Variants in FANCB observed in about 807,000 individuals in gnomAD.
FANCB encodes the protein Fanconi anemia group B protein.
In FANCB, 5 loss-of-function variants were observed where a neutral mutation model predicts 38.9. The observed-to-expected ratio is 0.13, with a 90% CI of 0.07 to 0.27. FANCB has a LOEUF of 0.27. Among genes scored for constraint, FANCB ranks in the 10% least tolerant of loss-of-function variants. The pLI is 1.00. For synonymous variants in FANCB, 236 were observed against 215.4 expected, an observed-to-expected ratio of 1.10 and a Z score of -0.84; for missense variants, 573 against 602.7, an observed-to-expected ratio of 0.95 and a Z score of 0.52.
chrX:14,712,370 C>T, the FANCB span, among the ~76,000 whole-genome samples: 1 of 111,752 alleles, frequency 8.9e-6, no homozygotes, highest in South Asian at 3.7e-4. Context: ...GCAAAAATGA[C>T]CCTAGTTGAG....
At chrX:14,833,163 C>A (rs974438422), downstream of FANCB, among the ~76,000 whole-genome samples, 2 of 112,186 alleles carry the variant, frequency 1.8e-5, no homozygotes, top group Non-Finnish European at 3.8e-5. Context: ...ACCAAAGATG[C>A]TGGAACACAG....
chrX:14,735,987 G>A, the FANCB span, among the ~76,000 whole-genome samples: 4 of 111,463 alleles, frequency 3.6e-5, no homozygotes, highest in South Asian at 3.8e-4. Context: ...GCTGAGGTGC[G>A]GTGGGCTCTA....
At chrX:14,716,972 G>C in the FANCB span, among the ~76,000 whole-genome samples, 1 of 110,513 alleles carries the variant, frequency 9.0e-6, no homozygotes, top group Non-Finnish European at 1.9e-5. Flanking sequence ...ATAAACCTTT[G>C]TACATATCTC....
At chrX:14,816,960 T>G in the FANCB span, among the ~76,000 whole-genome samples, 1 of 112,134 alleles carries the variant, frequency 8.9e-6, no homozygotes, top group Non-Finnish European at 1.9e-5. Context: ...AAGAATTAAA[T>G]GAGACACTAC....
the FANCB span, among the ~76,000 whole-genome samples, chrX:14,715,468 AAT>A: frequency 8.9e-6 from 1 of 111,964 alleles, no homozygotes; most frequent in African/African-American, 3.2e-5. Flanking sequence ...GGGATATCAA[AAT>A]ATGTCAGAAC....
intron 5 of FANCB, among the ~76,000 whole-genome samples, chrX:14,855,858 G>C (rs1453633174): frequency 2.7e-5 from 3 of 112,161 alleles, no homozygotes; most frequent in South Asian, 3.6e-4. Flanking sequence ...CAGGGCAAAA[G>C]TAGCATCAGT....
At chrX:14,716,008 A>G in the FANCB span, among the ~76,000 whole-genome samples, 1 of 111,813 alleles carries the variant, frequency 8.9e-6, no homozygotes, top group African/African-American at 3.3e-5. Context: ...CAGAGCATTA[A>G]GCCAAGCACA....
chrX:14,767,385 A>C, the FANCB span, among the ~76,000 whole-genome samples: 1 of 111,757 alleles, frequency 8.9e-6, no homozygotes, highest in South Asian at 3.7e-4. Context: ...AGCCTTTCTG[A>C]CTGGTGGGAG....
the FANCB span, among the ~76,000 whole-genome samples, chrX:14,755,476 A>T: frequency 8.9e-6 from 1 of 112,057 alleles, no homozygotes; most frequent in South Asian, 3.7e-4. Context: ...CCAACATATG[A>T]AAGTCAGTAA....
At chrX:14,718,630 A>G in the FANCB span, among the ~76,000 whole-genome samples, 2 of 111,960 alleles carry the variant, frequency 1.8e-5, no homozygotes, top group African/African-American at 6.5e-5. Context: ...TCATCTGTAG[A>G]CTTGTTTGTC....
chrX:14,765,615 T>C, the FANCB span, among the ~76,000 whole-genome samples: 1 of 109,538 alleles, frequency 9.1e-6, no homozygotes, highest in Non-Finnish European at 1.9e-5. Context: ...GACTTCTTGT[T>C]AGGGAAGTCA....
the FANCB span, chrX:14,730,117 T>C: frequency 1.5e-5 from 10 of 689,200 alleles, no homozygotes; most frequent in Non-Finnish European, 2.3e-5. Flanking sequence ...TTAACTGTGA[T>C]TTATCCTTTT....
In FANCB at chrX:14,864,938, T is replaced by A; in HGVS notation, c.573A>T (p.Leu191Phe). 8.3e-7 allele frequency: 1 copy of A among 1,210,775 alleles called. No individual in the cohort carries two copies. The highest frequency in any genetic ancestry group is 1.1e-6 in the Non-Finnish European group (1 of 894,462). ...MVLLGLKECC[L>F]SEEECTQEPS... ...GCTCTTGAGTACATTCTTCCTCAGATAAACAACATTCCTTTAGTCCCAATA... is the reference window on the plus strand; with the variant it reads ...GCTCTTGAGTACATTCTTCCTCAGAAAAACAACATTCCTTTAGTCCCAATA... The change falls in exon 3 of 10, where the codon TTA becomes TTT. Residue 191 changes from leucine (L) to phenylalanine (F), a missense_variant. Physicochemically the swap from Leu to Phe is conservative, Grantham distance 22 (BLOSUM62 0). Transcript: ENST00000650831.
At chrX:14,792,132 C>T in the FANCB span, among the ~76,000 whole-genome samples, 4 of 111,709 alleles carry the variant, frequency 3.6e-5, no homozygotes, top group South Asian at 3.8e-4. Flanking sequence ...CCAAGAACAT[C>T]GGGAGCATTA....
chrX:14,763,807 A>C, the FANCB span, among the ~76,000 whole-genome samples: 1 of 111,566 alleles, frequency 9.0e-6, no homozygotes, highest in Non-Finnish European at 1.9e-5. Context: ...TGTGTGTTCA[A>C]AGTTCCCCGT....
chrX:14,810,945 C>G, the FANCB span, among the ~76,000 whole-genome samples: 1 of 111,954 alleles, frequency 8.9e-6, no homozygotes, highest in Non-Finnish European at 1.9e-5. Context: ...AAAGGGAAGC[C>G]CATCAGACTA....
chrX:14,831,128 CAA>C (rs1380814170), downstream of FANCB, among the ~76,000 whole-genome samples: 1 of 112,134 alleles, frequency 8.9e-6, no homozygotes, highest in East Asian at 2.8e-4. Context: ...ATCTCTGACA[CAA>C]AGACTAGCCC....
chrX:14,758,370 T>G, the FANCB span, among the ~76,000 whole-genome samples: 1 of 112,131 alleles, frequency 8.9e-6, no homozygotes, highest in Non-Finnish European at 1.9e-5. Context: ...CTACCACAGC[T>G]GATGCTCTCT....
the FANCB span, among the ~76,000 whole-genome samples, chrX:14,690,317 T>C: frequency 8.9e-6 from 1 of 112,351 alleles, no homozygotes; most frequent in African/African-American, 3.2e-5. Flanking sequence ...AAATTGTATA[T>C]ATTTATGGTG....
Sources: gnomAD v4.1 joint callset for allele counts (sites outside exome capture counted in the v4.1 genomes callset) on GRCh38, gnomAD v4.1.1 for gene constraint, MANE v1.5 for transcripts, NCBI Gene and HGNC (gene_info 2026-07-23, HGNC 2026-07-21) for gene names.